SNTG2: variants seen among roughly 807,000 people sequenced by gnomAD.
SNTG2 encodes the protein syntrophin gamma 2, also known as gamma-2-syntrophin.
Under a neutral mutation model 70.9 loss-of-function variants are expected in SNTG2, and 74 were observed. That is an observed-to-expected ratio of 1.04 (90% CI 0.86 to 1.27). The LOEUF (loss-of-function observed/expected upper bound fraction) is 1.27. Among genes scored for constraint, SNTG2 ranks in the 50% most tolerant of loss-of-function variants. SNTG2 has a pLI of 0.00. For synonymous variants in SNTG2, 278 were observed against 273.8 expected, an observed-to-expected ratio of 1.02 and a Z score of -0.15; for missense variants, 717 against 690.7, an observed-to-expected ratio of 1.04 and a Z score of -0.43.
At chr2:1,357,829 G>A (rs901425185) in intron 16 of SNTG2, among the ~76,000 whole-genome samples, 1 of 150,504 alleles carries the variant, frequency 6.6e-6, no homozygotes, top group African/African-American at 2.4e-5. Context: ...TCTCATAATT[G>A]TTTTTTTCTT....
At chr2:973,998 G>A (rs1660831880) in intron 1 of SNTG2, among the ~76,000 whole-genome samples, 1 of 152,074 alleles carries the variant, frequency 6.6e-6, no homozygotes. Context: ...GGTATCTCAG[G>A]ACCAGTGTTA....
intron 12 of SNTG2, among the ~76,000 whole-genome samples, chr2:1,253,184 A>G (rs1677863567): frequency 6.6e-6 from 1 of 152,132 alleles, no homozygotes; most frequent in Non-Finnish European, 1.5e-5. Flanking sequence ...ACGTGGGGCC[A>G]TGACTCTCGG....
chr2:1,174,986 T>A (rs1671374254), intron 8 of SNTG2, among the ~76,000 whole-genome samples: 1 of 152,254 alleles, frequency 6.6e-6, no homozygotes, highest in African/African-American at 2.4e-5. Context: ...TTTTTCATTT[T>A]GTTTGTGCTA....
At chr2:1,265,818 T>C (rs1351223636) in intron 13 of SNTG2, among the ~76,000 whole-genome samples, 1 of 152,196 alleles carries the variant, frequency 6.6e-6, no homozygotes, top group Non-Finnish European at 1.5e-5. Context: ...CTCCCCTTCC[T>C]TTCTGCTGCC....
intron 7 of SNTG2, among the ~76,000 whole-genome samples, chr2:1,167,974 A>T (rs1306980515): frequency 1.9e-4 from 24 of 127,606 alleles, no homozygotes; most frequent in East Asian, 1.6e-3. Context: ...CAGACGGCAG[A>T]ACTGAAGCCT....
intron 14 of SNTG2, among the ~76,000 whole-genome samples, chr2:1,292,171 G>C (rs71440645): frequency 0.016 from 2,354 of 151,502 alleles, 28 homozygotes; most frequent in East Asian, 0.05. Context: ...ACTGATTTTT[G>C]AGTGTTAATT....
At chr2:1,230,122 G>A (rs562262085) in intron 9 of SNTG2, among the ~76,000 whole-genome samples, 35 of 152,364 alleles carry the variant, frequency 2.3e-4, no homozygotes, top group Non-Finnish European at 4.1e-4. Context: ...GAGAGCGAGC[G>A]AGGGCTGTGA....
At chr2:1,006,167 G>A (rs1231743011) in intron 1 of SNTG2, among the ~76,000 whole-genome samples, 1 of 123,910 alleles carries the variant, frequency 8.1e-6, no homozygotes, top group East Asian at 2.9e-4. Context: ...GGGGACTGTG[G>A]TGGGGTGGGG....
intron 6 of SNTG2, among the ~76,000 whole-genome samples, chr2:1,154,441 A>G (rs958391856): frequency 6.6e-6 from 1 of 152,254 alleles, no homozygotes; most frequent in African/African-American, 2.4e-5. Context: ...TTAACAATTT[A>G]TAAAATAGAA....
At chr2:1,233,845 A>G (rs1676426552) in intron 9 of SNTG2, among the ~76,000 whole-genome samples, 1 of 151,868 alleles carries the variant, frequency 6.6e-6, no homozygotes, top group African/African-American at 2.4e-5. Context: ...CGACACAGTC[A>G]GTGCTTGACT....
At chr2:1,077,393 A>C (rs1663988702) in intron 1 of SNTG2, among the ~76,000 whole-genome samples, 1 of 152,092 alleles carries the variant, frequency 6.6e-6, no homozygotes, top group South Asian at 2.1e-4. Context: ...TTAATGTTGT[A>C]GTGACTGTGG....
At chr2:1,011,438 T>C (rs1572218873) in intron 1 of SNTG2, among the ~76,000 whole-genome samples, 1 of 152,222 alleles carries the variant, frequency 6.6e-6, no homozygotes, top group Admixed American at 6.5e-5. Flanking sequence ...ATATAATTTA[T>C]TAAGTACAAA....
At chr2:1,355,539 C>T (rs1323717947) in intron 16 of SNTG2, among the ~76,000 whole-genome samples, 1 of 152,184 alleles carries the variant, frequency 6.6e-6, no homozygotes, top group Non-Finnish European at 1.5e-5. Context: ...TTTTTTAAGG[C>T]TGAATAACGT....
At chr2:1,329,135 G>A (rs1184289182) in intron 16 of SNTG2, among the ~76,000 whole-genome samples, 1 of 151,750 alleles carries the variant, frequency 6.6e-6, no homozygotes, top group East Asian at 1.9e-4. Flanking sequence ...TTTAGAAGTG[G>A]GACATATTTG....
At position 1,098,227 on chromosome 2, in the gene SNTG2, T is replaced by C. The variant is rs752541689; in HGVS notation, c.242T>C (p.Val81Ala). The C allele has an allele frequency of 6.2e-7, 1 of 1,614,046 alleles. No homozygotes were observed. Among genetic ancestry groups the C allele is most frequent in the Non-Finnish European group, 8.5e-7 (1 of 1,179,896 alleles). The change falls in exon 3 of 17, where the codon GTT (valine) becomes GCT (alanine). Residue 81 changes from valine to alanine, a missense_variant. Coordinates refer to ENST00000308624, the MANE Select transcript of SNTG2 (RefSeq NM_018968.4). ...ACTGTTACACTCCGCAGACAGCCAG[T>C]TGGCGGCTTGGGCCTGAGTATAAAG... ...RRTVTLRRQPVGGLGLSIKGG... is the reference protein window; with the variant it reads ...RRTVTLRRQPAGGLGLSIKGG...
chr2:1,242,708 A>T (rs913920175), intron 11 of SNTG2: 5 of 152,170 alleles, frequency 3.3e-5, no homozygotes, highest in Non-Finnish European at 7.3e-5. Context: ...GAAAACCCTA[A>T]ATAACACAGG....
At chr2:1,156,521 G>A (rs1291856358) in intron 6 of SNTG2, among the ~76,000 whole-genome samples, 4 of 152,158 alleles carry the variant, frequency 2.6e-5, no homozygotes, top group South Asian at 4.1e-4. Flanking sequence ...AGAGTCCCCA[G>A]AGGATGAACC....
At chr2:1,265,930 C>T (rs1678705853) in intron 13 of SNTG2, among the ~76,000 whole-genome samples, 1 of 152,122 alleles carries the variant, frequency 6.6e-6, no homozygotes, top group Non-Finnish European at 1.5e-5. Context: ...GAGACTGGTG[C>T]AGCAAAATTG....
At chr2:1,183,208 G>T (rs191527359) in intron 8 of SNTG2, among the ~76,000 whole-genome samples, 277 of 151,324 alleles carry the variant, frequency 1.8e-3, no homozygotes, top group Non-Finnish European at 3.1e-3. Context: ...TTGCTATCCA[G>T]TATTCCACTG....
Sources: allele counts gnomAD v4.1 joint callset (sites outside exome capture counted in the v4.1 genomes callset), GRCh38; gene constraint gnomAD v4.1.1; transcripts MANE v1.5; gene names NCBI Gene and HGNC (gene_info 2026-07-23, HGNC 2026-07-21).